DOCK4: variants seen among roughly 807,000 people sequenced by gnomAD.
The protein encoded by DOCK4 is dedicator of cytokinesis protein 4.
A neutral mutation model predicts 268.1 loss-of-function variants in DOCK4; 97 were observed. That is an observed-to-expected ratio of 0.36 (90% CI 0.31 to 0.43). The LOEUF (loss-of-function observed/expected upper bound fraction) is 0.43. Ranked by LOEUF, DOCK4 falls within the 20% of genes least tolerant of loss-of-function variation. The pLI is 1.00. For missense variants in DOCK4, 2,145 were observed against 2,455.7 expected, an observed-to-expected ratio of 0.87 and a Z score of 2.67; for synonymous variants, 954 against 887.2, an observed-to-expected ratio of 1.08 and a Z score of -1.34.
chr7:111,895,478 A>G (rs1255198411), intron 16 of DOCK4, 134 bp downstream of exon 16: 19 of 791,280 alleles, frequency 2.4e-5, no homozygotes, highest in Non-Finnish European at 4.1e-5. Context: ...TTTGAAAAAG[A>G]CATTCTCCCT....
At chr7:111,946,760 T>C (rs915667159) in intron 8 of DOCK4, among the ~76,000 whole-genome samples, 2 of 152,126 alleles carry the variant, frequency 1.3e-5, no homozygotes, top group African/African-American at 4.8e-5. Flanking sequence ...TTCTGCACTT[T>C]AAGTAGAGAC....
At chr7:112,064,676 G>C (rs1415981415) in intron 1 of DOCK4, among the ~76,000 whole-genome samples, 1 of 145,674 alleles carries the variant, frequency 6.9e-6, no homozygotes, top group Non-Finnish European at 1.5e-5. Context: ...GGGCTGAACT[G>C]TGCCCCCCCT....
chr7:111,974,060 A>C (rs186881296), intron 8 of DOCK4, among the ~76,000 whole-genome samples: 1 of 152,180 alleles, frequency 6.6e-6, no homozygotes, highest in Non-Finnish European at 1.5e-5. Flanking sequence ...AAGATGAAAG[A>C]AAAAAATAGA....
At chr7:111,761,051 G>C (rs1477008004) in intron 39 of DOCK4, among the ~76,000 whole-genome samples, 1 of 147,642 alleles carries the variant, frequency 6.8e-6, no homozygotes, top group Non-Finnish European at 1.5e-5. Flanking sequence ...TGGGGAACCA[G>C]GGCTTAAAGT....
At chr7:112,116,966 C>T (rs1407095339) in intron 1 of DOCK4, among the ~76,000 whole-genome samples, 3 of 152,178 alleles carry the variant, frequency 2.0e-5, no homozygotes, top group Non-Finnish European at 2.9e-5. Context: ...TAAAAGGGAA[C>T]AATTTGAGCA....
chr7:111,762,600 T>C (rs1188962039), intron 39 of DOCK4, among the ~76,000 whole-genome samples: 3 of 151,994 alleles, frequency 2.0e-5, no homozygotes, highest in Non-Finnish European at 2.9e-5. Context: ...AGTTAATAGA[T>C]ATTTGGGCAG....
At chr7:111,838,694 G>T (rs551441206) in intron 25 of DOCK4, among the ~76,000 whole-genome samples, 1 of 152,138 alleles carries the variant, frequency 6.6e-6, no homozygotes, top group Non-Finnish European at 1.5e-5. Flanking sequence ...GTCAGTAGTT[G>T]CTTGGGGATG....
At chr7:112,175,368 T>C (rs751021954) in intron 1 of DOCK4, among the ~76,000 whole-genome samples, 26 of 152,208 alleles carry the variant, frequency 1.7e-4, no homozygotes, top group Non-Finnish European at 3.2e-4. Context: ...GAAAAAGCTC[T>C]TGTGTAATAG....
intron 36 of DOCK4, among the ~76,000 whole-genome samples, chr7:111,773,922 T>C (rs959244788): frequency 1.1e-4 from 16 of 148,276 alleles, no homozygotes; most frequent in African/African-American, 3.7e-4. Context: ...GAGGCTGAGG[T>C]GGGAGGATCG....
chr7:112,122,481 G>C (rs1261867902), intron 1 of DOCK4, among the ~76,000 whole-genome samples: 1 of 151,876 alleles, frequency 6.6e-6, no homozygotes, highest in East Asian at 1.9e-4. Flanking sequence ...GTGTTGCCCA[G>C]GATGGTCATG....
In DOCK4 at chr7:111,758,703, T is replaced by C; in HGVS notation, c.4250A>G (p.Tyr1417Cys). 1 of 1,614,028 alleles carries C rather than the reference T, an allele frequency of 6.2e-7. No individual in the cohort carries two copies. Among genetic ancestry groups the C allele is most frequent in the Non-Finnish European group, 8.5e-7 (1 of 1,179,894 alleles). ...EGVPDNIKSF[Y>C]KVNHIWKFRY... ...GAATTTCCAGATGTGATTCACTTTA[T>C]AGAAGCTTTTGATGTTGTCCGGAAC... Residue 1417 changes from tyrosine (Y) to cysteine (C), a missense_variant, in exon 41 of 53, where the codon TAT becomes TGT. Transcript: ENST00000428084.
At chr7:112,101,659 A>C (rs921787186) in intron 1 of DOCK4, among the ~76,000 whole-genome samples, 3 of 152,144 alleles carry the variant, frequency 2.0e-5, no homozygotes, top group African/African-American at 4.8e-5. Flanking sequence ...TAACTGTTTT[A>C]TCTCTCTCAA....
rs1453517611 is a variant in DOCK4, at chr7:111,726,700, T to C, written c.*1574A>G. The C allele has an allele frequency of 6.6e-6, 1 of 152,656 alleles. No individual in the cohort carries two copies. The allele number at this position is 152,656 out of a possible 1,614,324, so 9.5% of individuals were successfully genotyped here. On this transcript the variant is annotated 3_prime_UTR_variant, in exon 53 of 53. Coordinates refer to ENST00000428084, the MANE Select transcript of DOCK4 (RefSeq NM_001363540.2). ...AAAGCACATATGTACAAATATTCTTTTTCCATACGTAAAGTATTTGGCATA... is the reference window on the plus strand; with the variant it reads ...AAAGCACATATGTACAAATATTCTTCTTCCATACGTAAAGTATTTGGCATA...
At chr7:111,870,323 C>CTTTTTTTTTTTT (rs796444724) in intron 20 of DOCK4, among the ~76,000 whole-genome samples, 8 of 131,326 alleles carry the variant, frequency 6.1e-5, no homozygotes, top group Non-Finnish European at 8.2e-5. Context: ...TTTTTCTTTT[C>CTTTTTTTTTTTT]TTTTTTTTTT....
At chr7:112,119,949 AC>A (rs1812578978) in intron 1 of DOCK4, among the ~76,000 whole-genome samples, 1 of 150,776 alleles carries the variant, frequency 6.6e-6, no homozygotes, top group Admixed American at 6.6e-5. Flanking sequence ...CCAGGTTCAC[AC>A]CATTCTCCTG....
At chr7:112,152,679 G>A (rs565079658) in intron 1 of DOCK4, among the ~76,000 whole-genome samples, 2 of 152,210 alleles carry the variant, frequency 1.3e-5, no homozygotes, top group East Asian at 3.9e-4. Flanking sequence ...AGCGACGGGG[G>A]TCTTGCTATG....
intron 1 of DOCK4, among the ~76,000 whole-genome samples, chr7:112,067,205 A>C (rs1807155385): frequency 6.7e-6 from 1 of 150,212 alleles, no homozygotes; most frequent in African/African-American, 2.5e-5. Flanking sequence ...AATAAACATT[A>C]TTATATTTAT....
At chr7:111,993,475 G>A (rs1450527105) in intron 5 of DOCK4, among the ~76,000 whole-genome samples, 2 of 152,044 alleles carry the variant, frequency 1.3e-5, no homozygotes, top group African/African-American at 2.4e-5. Flanking sequence ...TACTTGATGT[G>A]GGGTGAGTAC....
intron 40 of DOCK4, 38 bp from the exon 41 acceptor site, chr7:111,758,828 A>G (rs1456036027): frequency 1.2e-6 from 2 of 1,605,728 alleles, no homozygotes; most frequent in Non-Finnish European, 8.5e-7. Context: ...CTGACTTGGC[A>G]AACTCCATGG....
Sources: allele counts gnomAD v4.1 joint callset (sites outside exome capture counted in the v4.1 genomes callset), GRCh38; gene constraint gnomAD v4.1.1; transcripts MANE v1.5; gene names NCBI Gene and HGNC (gene_info 2026-07-23, HGNC 2026-07-21).